The following CFAP92 variants were observed in gnomAD, a reference collection of about 807,000 sequenced individuals.
CFAP92 encodes uncharacterized protein CFAP92.
A neutral mutation model predicts 106.3 loss-of-function variants in CFAP92; 86 were observed. That is an observed-to-expected ratio of 0.81 (90% CI 0.68 to 0.97). The LOEUF is 0.97. Ranked by LOEUF, CFAP92 falls within the 50% of genes least tolerant of loss-of-function variation. CFAP92 has a pLI of 0.00. For synonymous variants in CFAP92, 477 were observed against 506.4 expected, an observed-to-expected ratio of 0.94 and a Z score of 0.78; for missense variants, 1,204 against 1,283.8, an observed-to-expected ratio of 0.94 and a Z score of 0.95.
At chr3:128,964,496 G>A (rs1358500579) in intron 9 of CFAP92, among the ~76,000 whole-genome samples, 1 of 152,134 alleles carries the variant, frequency 6.6e-6, no homozygotes, top group African/African-American at 2.4e-5. Context: ...GTTTCTCCAA[G>A]CCATCACAGC....
intron 4 of CFAP92, among the ~76,000 whole-genome samples, chr3:128,983,314 G>C (rs996640701): frequency 6.6e-6 from 1 of 152,104 alleles, no homozygotes; most frequent in Non-Finnish European, 1.5e-5. Flanking sequence ...CTCCAAATGC[G>C]AGCATTGAGC....
intron 4 of CFAP92, among the ~76,000 whole-genome samples, chr3:128,986,958 C>T (rs531355332): frequency 1.3e-5 from 2 of 152,260 alleles, no homozygotes; most frequent in South Asian, 2.1e-4. Flanking sequence ...GTCAGGAGTT[C>T]GAGACCAGCC....
At chr3:129,001,871 G>T (rs1479867511) in intron 1 of CFAP92, 1 of 1,546,064 alleles carries the variant, frequency 6.5e-7, no homozygotes, top group Admixed American at 2.0e-5. Context: ...ACTTCCGAGC[G>T]CTCTGCGCTG....
the CFAP92 span, among the ~76,000 whole-genome samples, chr3:129,008,713 G>A: frequency 1.3e-5 from 2 of 152,210 alleles, no homozygotes; most frequent in Non-Finnish European, 2.9e-5. Context: ...TGTAGGAGTT[G>A]CAGGTGAAAT....
In CFAP92 at chr3:128,988,784, C is replaced by A; in HGVS notation, c.397G>T (p.Val133Phe). ...LLPDDEEPKK[V>F]DILLFPMVAK... ...ACCATTGGAAATAGCAATATGTCAA[C>A]TTTTTTAGGTTCTTCATCGTCCGGC... The change falls in exon 3 of 16, where the codon GTT (valine) becomes TTT (phenylalanine). Residue 133 changes from valine to phenylalanine, a missense_variant. Transcript: ENST00000645291. 1 of 1,614,020 alleles carries A rather than the reference C, an allele frequency of 6.2e-7. No homozygotes were observed. The highest frequency in any genetic ancestry group is 8.5e-7 in the Non-Finnish European group (1 of 1,179,900).
the CFAP92 span, among the ~76,000 whole-genome samples, chr3:129,026,246 G>A: frequency 2.6e-5 from 4 of 152,200 alleles, no homozygotes; most frequent in African/African-American, 7.2e-5. Context: ...GGAGTGTGGG[G>A]ATCCAGTCCA....
the CFAP92 span, among the ~76,000 whole-genome samples, chr3:129,012,749 A>G: frequency 4.6e-5 from 7 of 152,338 alleles, no homozygotes; most frequent in East Asian, 1.2e-3. Flanking sequence ...CAGGAGACAG[A>G]AAAGGATGCA....
the CFAP92 span, among the ~76,000 whole-genome samples, chr3:129,016,942 T>C: frequency 6.6e-6 from 1 of 152,206 alleles, no homozygotes; most frequent in African/African-American, 2.4e-5. Flanking sequence ...TATTATCTCA[T>C]GTGAGAAGTC....
chr3:128,924,315 T>C (rs1310665472), intron 12 of CFAP92, among the ~76,000 whole-genome samples: 1 of 151,686 alleles, frequency 6.6e-6, no homozygotes, highest in African/African-American at 2.4e-5. Context: ...ACAAAACCCC[T>C]CATGGCTTGG....
chr3:128,945,698 G>A lies in CFAP92; in HGVS notation c.1631C>T (p.Ser544Phe), dbSNP rs1940148504. The A allele has an allele frequency of 1.3e-6, 2 of 1,536,002 alleles. No homozygotes were observed. Residue 544 changes from serine to phenylalanine, a missense_variant, in exon 10 of 16, where the codon TCT becomes TTT. Ser to Phe is a radical substitution (Grantham distance 155, BLOSUM62 -2). Transcript: ENST00000645291. Reference protein sequence around the residue: ...DSYLNFQALISPRETENNPFE... With the variant: ...DSYLNFQALIFPRETENNPFE... The stretch of plus-strand genomic sequence containing the variant: ...GGGGTTGTTCTCTGTCTCTCTGGGA[G>A]AGATGAGGGCCTGGAAGTTGAGGTA...
chr3:128,909,896 G>A lies in CFAP92; in HGVS notation c.*403C>T, dbSNP rs1576351451. 1 of 1,356,962 alleles carries A rather than the reference G, an allele frequency of 7.4e-7. No individual in the cohort carries two copies. The highest frequency in any genetic ancestry group is 2.4e-5 in the East Asian group (1 of 41,718). 84.1% of individuals were successfully genotyped at this position (1,356,962 alleles called of 1,614,324 possible). On this transcript the variant is annotated 3_prime_UTR_variant, in exon 16 of 16. Coordinates refer to ENST00000645291, the MANE Select transcript of CFAP92 (RefSeq NM_001394090.1). ...TCTCCCACAACCTGAAGAGAAAGGT[G>A]TTATTGACTCCACTTTCTCAAGGAA...
chr3:128,929,540 G>A (rs1008275796), intron 12 of CFAP92, among the ~76,000 whole-genome samples: 1 of 152,150 alleles, frequency 6.6e-6, no homozygotes, highest in Non-Finnish European at 1.5e-5. Flanking sequence ...AAAAAGTGGT[G>A]AATGGATAAA....
the CFAP92 span, among the ~76,000 whole-genome samples, chr3:129,009,255 T>C: frequency 7.2e-5 from 11 of 152,056 alleles, no homozygotes; most frequent in Admixed American, 5.9e-4. Context: ...CTGACCTAGG[T>C]GAAAAGGAAG....
chr3:128,916,043 G>A, intron 13 of CFAP92, 64 bp downstream of exon 13: 1 of 1,149,958 alleles, frequency 8.7e-7, no homozygotes, highest in Non-Finnish European at 1.1e-6. Context: ...CTCCAGGCAG[G>A]CATGGTCAGA....
chr3:128,993,597 G>A (rs1944354050), intron 1 of CFAP92: 1 of 435,692 alleles, frequency 2.3e-6, no homozygotes, highest in South Asian at 2.4e-5. Flanking sequence ...CGCCTAACCA[G>A]GAGTCAGTCG....
chr3:128,946,563 A>T (rs1940239584), intron 9 of CFAP92, among the ~76,000 whole-genome samples: 2 of 152,250 alleles, frequency 1.3e-5, no homozygotes. Flanking sequence ...CTGAGATTTT[A>T]TCATCACAAA....
At chr3:128,919,968 C>T (rs1253171326) in intron 12 of CFAP92, among the ~76,000 whole-genome samples, 1 of 152,184 alleles carries the variant, frequency 6.6e-6, no homozygotes, top group East Asian at 1.9e-4. Flanking sequence ...CATCAAGAGT[C>T]TCTATAGTTT....
In CFAP92 at chr3:128,915,119, CTGTTACAGGCTT is replaced by C; in HGVS notation, c.3268_3279del (p.Lys1090_Thr1093del). ...AGCTTGGCAAACCCTTGCCTGTTAC[CTGTTACAGGCTT>C]TGGTGCGGGCGAAGGGAGCAGCTCG... On this transcript the variant is annotated inframe_deletion and splice_region_variant, in exon 15 of 16. Transcript: ENST00000645291. 1 of 1,535,640 alleles carries C rather than the reference CTGTTACAGGCTT, an allele frequency of 6.5e-7. No homozygotes were observed. Among genetic ancestry groups the C allele is most frequent in the Non-Finnish European group, 8.7e-7 (1 of 1,146,688 alleles).
rs1329158128 is a variant in CFAP92, at chr3:128,945,641, T to C, written c.1688A>G (p.Tyr563Cys). 6.5e-7 allele frequency: 1 copy of C among 1,536,116 alleles called. No homozygotes were observed. The highest frequency in any genetic ancestry group is 2.0e-5 in the Admixed American group (1 of 50,994). The change falls in exon 10 of 16, where the codon TAT becomes TGT. Residue 563 changes from tyrosine (Y) to cysteine (C), a missense_variant. Coordinates refer to ENST00000645291, the MANE Select transcript of CFAP92 (RefSeq NM_001394090.1). ...FESQNKMWYP[Y>C]GIAQVSFADL... is the part of the protein sequence containing the mutation. ...AGCAAAACTGACCTGGGCGATGCCA[T>C]AAGGGTACCACATCTTGTTCTGGGA...
Sources: allele counts gnomAD v4.1 joint callset (sites outside exome capture counted in the v4.1 genomes callset), GRCh38; gene constraint gnomAD v4.1.1; transcripts MANE v1.5; gene names NCBI Gene and HGNC (gene_info 2026-07-23, HGNC 2026-07-21).